The following DNALI1 variants were observed in gnomAD, a reference collection of about 807,000 sequenced individuals.
DNALI1 encodes dynein axonemal light intermediate chain 1, also known as axonemal dynein light intermediate polypeptide 1.
Under a neutral mutation model 33.9 loss-of-function variants are expected in DNALI1, and 31 were observed. The ratio of observed to expected loss-of-function variants is 0.91; its 90% confidence interval spans 0.69 to 1.23. The LOEUF is 1.23. Among genes scored for constraint, DNALI1 ranks in the 50% most tolerant of loss-of-function variants. DNALI1 has a pLI of 0.00. For missense variants in DNALI1, 305 were observed against 323.8 expected (o/e 0.94, Z 0.44); for synonymous variants, 117 against 129.2 (o/e 0.91, Z 0.64).
At chr1:37,558,873 A>G (rs1242584141) in intron 2 of DNALI1, among the ~76,000 whole-genome samples, 1 of 152,208 alleles carries the variant, frequency 6.6e-6, no homozygotes, top group Non-Finnish European at 1.5e-5. Flanking sequence ...AGGAAAAGGG[A>G]AATGGGGGCC....
chr1:37,561,931 C>T lies in DNALI1; in HGVS notation c.577-150C>T. The T allele has an allele frequency of 7.2e-7, 1 of 1,396,028 alleles. No homozygotes were observed. The highest frequency in any genetic ancestry group is 1.4e-5 in the South Asian group (1 of 73,148). The allele number at this position is 1,396,028 out of a possible 1,614,324, so 86.5% of individuals were successfully genotyped here. ...CCTGGTGGTCTTGGCAGAGTTGTTTCCGCTGTAGACGCTCCATGCCAGGCA... is the reference window on the plus strand; with the variant it reads ...CCTGGTGGTCTTGGCAGAGTTGTTTTCGCTGTAGACGCTCCATGCCAGGCA... On this transcript the variant is annotated intron_variant, in intron 4 of 5. Transcript: ENST00000652629. The surrounding 1 kb of genome is among the most constrained non-coding windows in gnomAD (Gnocchi z 4.6).
rs912485353 is a variant in DNALI1 at position 37,566,505 on chromosome 1, T to C, written c.*1444T>C. On this transcript the variant is annotated 3_prime_UTR_variant, in exon 6 of 6. Coordinates refer to ENST00000652629, the MANE Select transcript of DNALI1 (RefSeq NM_003462.5). ...CCATGTACACTAACGTCCTTGAAAT[T>C]TGCAGTTCTGTATGCTTCTATTCCA... is the stretch of plus-strand genomic sequence containing the variant. 44 of 197,922 alleles carry C rather than the reference T, an allele frequency of 2.2e-4. No individual in the cohort carries two copies. The highest frequency in any genetic ancestry group is 1.1e-4 in the Admixed American group (2 of 17,766). 12.3% of individuals were successfully genotyped at this position (197,922 alleles called of 1,614,324 possible).
chr1:37,561,964 C>T lies in DNALI1; in HGVS notation c.577-117C>T. ...GACGCTCCATGCCAGGCACTGACCT[C>T]CCACTGGGTGGCAGTATATACCCTG... On this transcript the variant is annotated intron_variant, in intron 4 of 5. Coordinates refer to ENST00000652629, the MANE Select transcript of DNALI1 (RefSeq NM_003462.5). This position sits in a 1 kb window ranked among gnomAD's most constrained non-coding sequence, Gnocchi z 4.6. The T allele has an allele frequency of 1.3e-6, 2 of 1,495,876 alleles. No homozygotes were observed. Among genetic ancestry groups the T allele is most frequent in the Non-Finnish European group, 1.8e-6 (2 of 1,100,684 alleles). The allele number at this position is 1,495,876 out of a possible 1,614,324, so 92.7% of individuals were successfully genotyped here.
In DNALI1 at chr1:37,559,195, A is replaced by G; in HGVS notation, c.228-132A>G. 1 of 898,710 alleles carries G rather than the reference A, an allele frequency of 1.1e-6. No individual in the cohort carries two copies. The highest frequency in any genetic ancestry group is 1.6e-6 in the Non-Finnish European group (1 of 606,764). 55.7% of individuals were successfully genotyped at this position (898,710 alleles called of 1,614,324 possible). A position where few individuals can be genotyped will look rare whatever the true frequency, so the allele number is the denominator to read the frequency against. On this transcript the variant is annotated intron_variant, in intron 2 of 5. Transcript: ENST00000652629. This position sits in a 1 kb window ranked among gnomAD's most constrained non-coding sequence, Gnocchi z 5.3. Reference sequence around the variant, plus strand: ...TGGAGCCTCACACCCCAAGGGATGGAGGATTCTGGTGGGTTGGTGGCAAAG... The same window carrying G: ...TGGAGCCTCACACCCCAAGGGATGGGGGATTCTGGTGGGTTGGTGGCAAAG...
chr1:37,561,888 G>T lies in DNALI1; in HGVS notation c.576+153G>T. The T allele has an allele frequency of 7.4e-7, 1 of 1,360,270 alleles. No individual in the cohort carries two copies. 84.3% of individuals were successfully genotyped at this position (1,360,270 alleles called of 1,614,324 possible). On this transcript the variant is annotated intron_variant, in intron 4 of 5. Coordinates refer to ENST00000652629, the MANE Select transcript of DNALI1 (RefSeq NM_003462.5). The surrounding 1 kb of genome is among the most constrained non-coding windows in gnomAD (Gnocchi z 4.6). Reference sequence around the variant, plus strand: ...GCATCACCTCAGTGAGGGACCCCTGGTTGAGTATGATGGCCAGCCTGGTGG... The same window carrying T: ...GCATCACCTCAGTGAGGGACCCCTGTTTGAGTATGATGGCCAGCCTGGTGG...
intron 3 of DNALI1, among the ~76,000 whole-genome samples, chr1:37,560,363 C>T (rs560460086): frequency 1.6e-4 from 24 of 152,296 alleles, no homozygotes; most frequent in Admixed American, 5.9e-4. Context: ...GAGATCCCTG[C>T]GGCTTTCTGC....
At chr1:37,563,951 C>T (rs771035847) in intron 5 of DNALI1, among the ~76,000 whole-genome samples, 20 of 150,282 alleles carry the variant, frequency 1.3e-4, no homozygotes, top group Non-Finnish European at 2.4e-4. Flanking sequence ...GGACAGCTCT[C>T]GGCTGGGTGT....
At position 37,562,184 on chromosome 1, in the gene DNALI1, TGGA is replaced by T. The variant is rs749047646; in HGVS notation, c.685_687del (p.Glu229del). The T allele has an allele frequency of 1.4e-5, 23 of 1,612,200 alleles. No homozygotes were observed. In the South Asian group the frequency reaches 1.4e-4, roughly 10 times the overall value. ...AAGCGGGAGAGCGAGAGGCGGCAGG[TGGA>T]GGAGAAGAAGCACAATGAGGAGATT... On this transcript the variant is annotated inframe_deletion, in exon 5 of 6. Transcript: ENST00000652629. The surrounding 1 kb of genome is among the most constrained non-coding windows in gnomAD (Gnocchi z 5.8).
intron 5 of DNALI1, among the ~76,000 whole-genome samples, chr1:37,564,334 C>T (rs1035344028): frequency 1.0e-4 from 15 of 146,692 alleles, no homozygotes; most frequent in Non-Finnish European, 2.1e-4. Context: ...TTCACTGTTT[C>T]CCAAACCTCT....
At position 37,565,156 on chromosome 1, in the gene DNALI1, A is replaced by G; in HGVS notation, c.*95A>G. ...AAAATCATCATAAGCCCTTTGTAAT[A>G]AAAAGCTAGTTTCCTGAGTGAACAA... On this transcript the variant is annotated 3_prime_UTR_variant, in exon 6 of 6. Coordinates refer to ENST00000652629, the MANE Select transcript of DNALI1 (RefSeq NM_003462.5). The G allele has an allele frequency of 6.8e-7, 1 of 1,464,842 alleles. No individual in the cohort carries two copies. Among genetic ancestry groups the G allele is most frequent in the South Asian group, 1.2e-5 (1 of 86,836 alleles). The allele number at this position is 1,464,842 out of a possible 1,614,324, so 90.7% of individuals were successfully genotyped here. A position where few individuals can be genotyped will look rare whatever the true frequency, so the allele number is the denominator to read the frequency against.
chr1:37,562,020 A>C lies in DNALI1; in HGVS notation c.577-61A>C, dbSNP rs1439488450. On this transcript the variant is annotated intron_variant, in intron 4 of 5. Coordinates refer to ENST00000652629, the MANE Select transcript of DNALI1 (RefSeq NM_003462.5). This position sits in a 1 kb window ranked among gnomAD's most constrained non-coding sequence, Gnocchi z 5.8. ...GTCATGTCCCATGTCCCTTCCACCC[A>C]GGCTCACACCATTCCATTCACCTGG... The C allele has an allele frequency of 1.2e-6, 2 of 1,607,730 alleles. No homozygotes were observed. Among genetic ancestry groups the C allele is most frequent in the African/African-American group, 1.3e-5 (1 of 74,724 alleles).
Position 37,565,297 on chromosome 1 carries a change from G to T in DNALI1, c.*236G>T. On this transcript the variant is annotated 3_prime_UTR_variant, in exon 6 of 6. Transcript: ENST00000652629. ...GCTCCTGGCTGGGCAATGGAAGATG[G>T]TGTGGCCCTGTTAGTCTCCGTGTGT... 1.8e-6 allele frequency: 1 copy of T among 560,918 alleles called. No homozygotes were observed. Among genetic ancestry groups the T allele is most frequent in the Non-Finnish European group, 3.2e-6 (1 of 314,494 alleles). The allele number at this position is 560,918 out of a possible 1,614,324, so 34.7% of individuals were successfully genotyped here.
chr1:37,557,596 A>T lies in DNALI1; in HGVS notation c.82-7A>T. 1 of 1,611,596 alleles carries T rather than the reference A, an allele frequency of 6.2e-7. No homozygotes were observed. ...ATTTCCTGCCCTCACCTGTGCCTTC[A>T]TCTCAGGCTCGGCTACTGAAAGTCA... On this transcript the variant is annotated splice_region_variant and splice_polypyrimidine_tract_variant and intron_variant, in intron 1 of 5. Transcript: ENST00000652629.
Position 37,562,242 on chromosome 1 carries a change from GA to G in DNALI1, c.740del (p.Lys247ArgfsTer40). ...QFLKRTNQQL[K>X]AQLEGIIAPK... ...TCCTGAAGCGAACAAATCAGCAGCT[GA>G]AGGTAATCAACGCGCAGGGTGGGGT... On this transcript the variant is annotated frameshift_variant and splice_region_variant, in exon 5 of 6. Transcript: ENST00000652629. LOFTEE classifies it high-confidence loss of function. This position sits in a 1 kb window ranked among gnomAD's most constrained non-coding sequence, Gnocchi z 5.8. The G allele has an allele frequency of 6.2e-7, 1 of 1,612,384 alleles. No homozygotes were observed. The highest frequency in any genetic ancestry group is 1.1e-5 in the South Asian group (1 of 90,900).
In DNALI1 at chr1:37,559,240, A is replaced by G; in HGVS notation, c.228-87A>G. ...GCAAAGCTGCCCCTCACCACTACTC[A>G]GGCAGAGGGCTCAAAGGGCCCTCTG... On this transcript the variant is annotated intron_variant, in intron 2 of 5. Transcript: ENST00000652629. The surrounding 1 kb of genome is among the most constrained non-coding windows in gnomAD (Gnocchi z 5.3). The G allele has an allele frequency of 7.2e-7, 1 of 1,385,642 alleles. No individual in the cohort carries two copies. Among genetic ancestry groups the G allele is most frequent in the South Asian group, 1.5e-5 (1 of 65,530 alleles). 85.8% of individuals were successfully genotyped at this position (1,385,642 alleles called of 1,614,324 possible). A position where few individuals can be genotyped will look rare whatever the true frequency, so the allele number is the denominator to read the frequency against.
Position 37,559,483 on chromosome 1 carries a change from C to G in DNALI1, c.384C>G (p.Tyr128Ter). ...TGICPVRREL[Y>*]SQCFDELIRE... Reference sequence around the variant, plus strand: ...TCTGCCCTGTCCGCAGGGAACTCTACTCACAGTGTTTTGGTGAGTGAGCCA... The same window carrying G: ...TCTGCCCTGTCCGCAGGGAACTCTAGTCACAGTGTTTTGGTGAGTGAGCCA... Residue 128 changes from tyrosine (Y) to a stop codon, truncating the protein, a stop_gained, in exon 3 of 6, where the codon TAC becomes TAG. Coordinates refer to ENST00000652629, the MANE Select transcript of DNALI1 (RefSeq NM_003462.5). LOFTEE classifies it high-confidence loss of function. This position sits in a 1 kb window ranked among gnomAD's most constrained non-coding sequence, Gnocchi z 5.3. 1 of 1,608,918 alleles carries G rather than the reference C, an allele frequency of 6.2e-7. No individual in the cohort carries two copies. Among genetic ancestry groups the G allele is most frequent in the Non-Finnish European group, 8.5e-7 (1 of 1,177,558 alleles).
Position 37,561,946 on chromosome 1 carries a change from C to T in DNALI1, c.577-135C>T. 2 of 1,441,920 alleles carry T rather than the reference C, an allele frequency of 1.4e-6. No homozygotes were observed. The highest frequency in any genetic ancestry group is 1.9e-6 in the Non-Finnish European group (2 of 1,058,312). The allele number at this position is 1,441,920 out of a possible 1,614,324, so 89.3% of individuals were successfully genotyped here. ...AGAGTTGTTTCCGCTGTAGACGCTCCATGCCAGGCACTGACCTCCCACTGG... is the reference window on the plus strand; with the variant it reads ...AGAGTTGTTTCCGCTGTAGACGCTCTATGCCAGGCACTGACCTCCCACTGG... On this transcript the variant is annotated intron_variant, in intron 4 of 5. Coordinates refer to ENST00000652629, the MANE Select transcript of DNALI1 (RefSeq NM_003462.5). This position sits in a 1 kb window ranked among gnomAD's most constrained non-coding sequence, Gnocchi z 4.6.
rs747168535 is a variant in DNALI1, at chr1:37,565,096, TG to T, written c.*38del. The T allele has an allele frequency of 1.9e-6, 3 of 1,610,258 alleles. No individual in the cohort carries two copies. The highest frequency in any genetic ancestry group is 3.3e-5 in the Admixed American group (2 of 60,014). On this transcript the variant is annotated 3_prime_UTR_variant, in exon 6 of 6. Transcript: ENST00000652629. ...CATGATTAATTTCCAACAAGACACT[TG>T]GGAGTTATTTACTGTGTTCCTCTGG...
Position 37,562,100 on chromosome 1 carries a change from A to G in DNALI1, c.596A>G (p.Glu199Gly). Residue 199 changes from glutamate to glycine, a missense_variant, in exon 5 of 6, where the codon GAA becomes GGA. Transcript: ENST00000652629. The surrounding 1 kb of genome is among the most constrained non-coding windows in gnomAD (Gnocchi z 5.8). ...MERKIAELET[E>G]KRDLERQVNE... ...CCTCAGATCGCAGAATTGGAGACGG[A>G]AAAGAGAGACCTGGAGAGGCAAGTG... 1 of 1,614,048 alleles carries G rather than the reference A, an allele frequency of 6.2e-7. No individual in the cohort carries two copies. The highest frequency in any genetic ancestry group is 8.5e-7 in the Non-Finnish European group (1 of 1,179,974).
Sources: gnomAD v4.1 joint callset for allele counts (sites outside exome capture counted in the v4.1 genomes callset) on GRCh38, gnomAD v4.1.1 for gene constraint, Gnocchi (gnomAD v3.1) non-coding constraint, MANE v1.5 for transcripts, NCBI Gene and HGNC (gene_info 2026-07-23, HGNC 2026-07-21) for gene names.